Variants in CACNA1A observed in about 807,000 individuals in gnomAD.
The protein encoded by CACNA1A is voltage-dependent P/Q-type calcium channel subunit alpha-1A.
CACNA1A carries 57 observed loss-of-function variants against 262.4 expected under a neutral mutation model. The ratio of observed to expected loss-of-function variants is 0.22; its 90% CI spans 0.18 to 0.27. CACNA1A has a LOEUF of 0.27. Ranked by LOEUF, CACNA1A falls within the 10% of genes least tolerant of loss-of-function variation. The pLI is 1.00. For missense variants in CACNA1A, 2,526 were observed against 3,562.8 expected (o/e 0.71, Z 7.41); for synonymous variants, 1,431 against 1,419.3 (o/e 1.01, Z -0.18).
intron 8 of CACNA1A, chr19:13,333,801 A>G (rs1452530625): frequency 6.6e-6 from 1 of 152,388 alleles, no homozygotes; most frequent in East Asian, 1.9e-4. Flanking sequence ...GGAGTTCCCA[A>G]CATGACATGT....
chr19:13,247,847 G>T (rs1475537642), intron 30 of CACNA1A, among the ~76,000 whole-genome samples: 1 of 152,248 alleles, frequency 6.6e-6, no homozygotes, highest in East Asian at 1.9e-4. Context: ...TTTGCCCAGG[G>T]TCTCTCTGTG....
chr19:13,299,122 CTTG>C lies in CACNA1A; in HGVS notation c.2508_2510del (p.Asn836del), dbSNP rs1216734361. On this transcript the variant is annotated inframe_deletion, in exon 19 of 47. Transcript: ENST00000360228. The stretch of plus-strand genomic sequence containing the variant: ...CCACGGTGGGCTCGGCCGCCCGGCT[CTTG>C]TTGGTGTTGTTGTTGCGGTTCTCCT... 1.2e-6 allele frequency: 2 copies of C among 1,613,044 alleles called. No individual in the cohort carries two copies. Among genetic ancestry groups the C allele is most frequent in the East Asian group, 4.5e-5 (2 of 44,858 alleles).
chr19:13,275,799 G>T, intron 24 of CACNA1A, 51 bp downstream of exon 24: 1 of 1,246,914 alleles, frequency 8.0e-7, no homozygotes, highest in Non-Finnish European at 1.2e-6. Flanking sequence ...TGTGGCCCAG[G>T]CTGGGGGTTG....
intron 19 of CACNA1A, among the ~76,000 whole-genome samples, chr19:13,289,442 C>T (rs977261671): frequency 1.3e-5 from 2 of 152,224 alleles, no homozygotes; most frequent in African/African-American, 4.8e-5. Flanking sequence ...CCACTACACA[C>T]AGGGAAATCT....
chr19:13,336,639 G>GAA (rs71168699), intron 6 of CACNA1A, among the ~76,000 whole-genome samples: 31 of 147,160 alleles, frequency 2.1e-4, no homozygotes, highest in African/African-American at 5.7e-4. Context: ...GAGAGAGAGA[G>GAA]AAAAGAATGA....
intron 24 of CACNA1A, chr19:13,275,645 G>C (rs1015470640): frequency 5.5e-6 from 3 of 541,982 alleles, no homozygotes; most frequent in African/African-American, 2.4e-5. Flanking sequence ...TTGGCAGGAG[G>C]GGGGGTCCCT....
At chr19:13,423,998 G>A (rs186770940) in intron 3 of CACNA1A, among the ~76,000 whole-genome samples, 3 of 152,238 alleles carry the variant, frequency 2.0e-5, no homozygotes, top group Admixed American at 2.0e-4. Flanking sequence ...CCTCCAGGGA[G>A]TGTCCCTTGC....
At chr19:13,466,057 G>C (rs1249730095) in intron 1 of CACNA1A, among the ~76,000 whole-genome samples, 1 of 152,116 alleles carries the variant, frequency 6.6e-6, no homozygotes, top group Non-Finnish European at 1.5e-5. Flanking sequence ...GTCTCCTTTA[G>C]GGGTGGTGAA....
chr19:13,445,597 G>A (rs1186934031), intron 3 of CACNA1A, among the ~76,000 whole-genome samples: 1 of 152,142 alleles, frequency 6.6e-6, no homozygotes, highest in Non-Finnish European at 1.5e-5. Context: ...TCTCTGGTGA[G>A]GTTCACAGTC....
At chr19:13,374,100 A>G (rs1451010232) in intron 3 of CACNA1A, among the ~76,000 whole-genome samples, 1 of 152,150 alleles carries the variant, frequency 6.6e-6, no homozygotes, top group East Asian at 1.9e-4. Flanking sequence ...AGTGGCCATG[A>G]CAGAGAGCTT....
In CACNA1A at chr19:13,206,944, G is replaced by GTTTTTTTTT. The variant is rs532268839; in HGVS notation, c.*360_*368dup. On this transcript the variant is annotated 3_prime_UTR_variant, in exon 47 of 47. Transcript: ENST00000360228. ...TCTCCCCGTTTTTTCTTTTAAAAAT[G>GTTTTTTTTT]TTTTTTTTTTTTTTTTTTTTTTTTT... is the stretch of plus-strand genomic sequence containing the variant. 7 of 65,132 alleles carry GTTTTTTTTT rather than the reference G, an allele frequency of 1.1e-4. No homozygotes were observed. The highest frequency in any genetic ancestry group is 1.3e-4 in the African/African-American group (2 of 15,862). The allele number at this position is 65,132 out of a possible 1,614,324, so 4.0% of individuals were successfully genotyped here. A position where few individuals can be genotyped will look rare whatever the true frequency, so the allele number is the denominator to read the frequency against.
In CACNA1A at chr19:13,390,910, C is replaced by T. The variant is rs548650360; in HGVS notation, c.540-19131G>A. ...TGCTATTGCATCTTTTTTTTTTGGA[C>T]GGAGTCTTGCTTTGTCGCTAGACTG... On this transcript the variant is annotated intron_variant, in intron 3 of 46. Coordinates refer to ENST00000360228, the MANE Select transcript of CACNA1A (RefSeq NM_001127222.2). Among the ~76,000 whole-genome samples the T allele has an allele frequency of 1.7e-3, 253 of 151,714 alleles. 1 individual carries two copies. The highest frequency in any genetic ancestry group is 3.4e-3 in the Middle Eastern group (1 of 294).
intron 1 of CACNA1A, among the ~76,000 whole-genome samples, chr19:13,468,805 A>C (rs2061299461): frequency 6.6e-6 from 1 of 152,150 alleles, no homozygotes; most frequent in South Asian, 2.1e-4. Flanking sequence ...ACAAACAAAT[A>C]AAAAACCTTT....
At chr19:13,403,782 A>G (rs2059952169) in intron 3 of CACNA1A, among the ~76,000 whole-genome samples, 1 of 151,994 alleles carries the variant, frequency 6.6e-6, no homozygotes, top group South Asian at 2.1e-4. Context: ...CAAACAAACA[A>G]ACAAACAAAC....
chr19:13,491,899 A>T (rs1246382564), intron 1 of CACNA1A, among the ~76,000 whole-genome samples: 1 of 152,072 alleles, frequency 6.6e-6, no homozygotes, highest in Non-Finnish European at 1.5e-5. Flanking sequence ...ACACTATTGC[A>T]CTGGGGAGGG....
intron 36 of CACNA1A, among the ~76,000 whole-genome samples, chr19:13,228,401 G>C (rs1568439991): frequency 6.6e-6 from 1 of 151,968 alleles, no homozygotes; most frequent in East Asian, 1.9e-4. Context: ...TCCCCCAGGG[G>C]ATGTATCTGA....
At chr19:13,216,914 G>T (rs1389293150) in intron 38 of CACNA1A, among the ~76,000 whole-genome samples, 1 of 152,130 alleles carries the variant, frequency 6.6e-6, no homozygotes, top group East Asian at 1.9e-4. Context: ...CCTGGGGTGG[G>T]GGGCTTGAAA....
At chr19:13,231,003 T>TTG (rs1600129155) in intron 35 of CACNA1A, among the ~76,000 whole-genome samples, 3 of 126,764 alleles carry the variant, frequency 2.4e-5, no homozygotes, top group South Asian at 5.8e-4. Context: ...TTTTTTTTTG[T>TTG]TTGTTTTTGT....
intron 3 of CACNA1A, among the ~76,000 whole-genome samples, chr19:13,420,620 G>A (rs28444156): frequency 0.068 from 10,298 of 152,154 alleles, 1,161 homozygotes; most frequent in African/African-American, 0.23. Flanking sequence ...TCCTAGAGCA[G>A]TTGTCAAGGT....
Sources: allele counts gnomAD v4.1 joint callset (sites outside exome capture counted in the v4.1 genomes callset), GRCh38; gene constraint gnomAD v4.1.1; transcripts MANE v1.5; gene names NCBI Gene and HGNC (gene_info 2026-07-23, HGNC 2026-07-21).